SLC6A16: variants seen among roughly 807,000 people sequenced by gnomAD.
The protein encoded by SLC6A16 is solute carrier family 6 member 16.
SLC6A16 carries 54 observed loss-of-function variants against 65.4 expected under a neutral mutation model. The ratio of observed to expected loss-of-function variants is 0.83; its 90% CI spans 0.66 to 1.04. SLC6A16 has a LOEUF of 1.04. Among genes scored for constraint, SLC6A16 ranks in the 50% least tolerant of loss-of-function variants. The pLI is 0.00. For missense variants in SLC6A16, 816 were observed against 914.0 expected (o/e 0.89, Z 1.38); for synonymous variants, 330 against 346.5 (o/e 0.95, Z 0.53).
chr19:49,324,200 G>A (rs1328941170), intron 1 of SLC6A16, among the ~76,000 whole-genome samples: 4 of 151,920 alleles, frequency 2.6e-5, no homozygotes, highest in African/African-American at 4.8e-5. Context: ...GGGTGGTGGC[G>A]CACGCCTATA....
the SLC6A16 span, chr19:49,338,790 T>G: frequency 6.2e-7 from 1 of 1,613,970 alleles, no homozygotes; most frequent in Admixed American, 1.7e-5. This position sits in a 1 kb window ranked among gnomAD's most constrained non-coding sequence, Gnocchi z 5.0. Flanking sequence ...CGTGCCCTGC[T>G]CCTGCTACAA....
chr19:49,317,767 C>G (rs1228022467), intron 1 of SLC6A16, among the ~76,000 whole-genome samples: 1 of 151,870 alleles, frequency 6.6e-6, no homozygotes, highest in Non-Finnish European at 1.5e-5. Context: ...GATCGCACCA[C>G]TGCACTCCAG....
Position 49,290,619 on chromosome 19 carries a change from A to G in SLC6A16, c.1927T>C (p.Trp643Arg), listed in dbSNP as rs1970058544. 1 of 1,614,138 alleles carries G rather than the reference A, an allele frequency of 6.2e-7. No individual in the cohort carries two copies. The highest frequency in any genetic ancestry group is 1.3e-5 in the African/African-American group (1 of 75,032). Residue 643 changes from tryptophan (W) to arginine (R), a missense_variant, in exon 11 of 12, where the codon TGG becomes CGG. Trp to Arg is a moderately radical substitution (Grantham distance 101). Coordinates refer to ENST00000335875, the MANE Select transcript of SLC6A16 (RefSeq NM_014037.3). ...GGGAGGCTCACGGTGCTTGAGTCCC[A>G]GGACATGTAGGTGATCGGCTTCATA... ...LCMKPITYMSWDSSTSKEVLR... is the reference protein window; with the variant it reads ...LCMKPITYMSRDSSTSKEVLR...
chr19:49,309,251 G>T, intron 6 of SLC6A16, 50 bp downstream of exon 6: 2 of 1,570,054 alleles, frequency 1.3e-6, no homozygotes, highest in Non-Finnish European at 1.8e-6. Flanking sequence ...AGAATAGGCA[G>T]CTGTGGTGCC....
chr19:49,326,938 A>G (rs919556391), upstream of SLC6A16, among the ~76,000 whole-genome samples: 4 of 152,020 alleles, frequency 2.6e-5, no homozygotes, highest in Non-Finnish European at 5.9e-5. Context: ...AGAATCACTT[A>G]AAACCATGAG....
chr19:49,307,347 A>G (rs1970410597), intron 7 of SLC6A16, among the ~76,000 whole-genome samples: 1 of 151,898 alleles, frequency 6.6e-6, no homozygotes, highest in African/African-American at 2.4e-5. Flanking sequence ...AGTCTCACAC[A>G]TCCCTGATGG....
intron 1 of SLC6A16, among the ~76,000 whole-genome samples, chr19:49,318,817 C>T (rs1970657317): frequency 6.6e-6 from 1 of 151,976 alleles, no homozygotes; most frequent in African/African-American, 2.4e-5. Flanking sequence ...ATTCTCCTTC[C>T]TCAGCCTCCC....
At chr19:49,337,877 G>C in the SLC6A16 span, 1 of 1,610,702 alleles carries the variant, frequency 6.2e-7, no homozygotes, top group Non-Finnish European at 8.5e-7. Context: ...GAGAGGGGGA[G>C]GGGTGGGGCG....
At chr19:49,306,547 CT>C (rs1174068777) in intron 7 of SLC6A16, among the ~76,000 whole-genome samples, 2,114 of 114,824 alleles carry the variant, frequency 0.018, 32 homozygotes, top group African/African-American at 0.06. Flanking sequence ...TTTTTTTTTT[CT>C]TTTTTTTTTT....
Position 49,290,361 on chromosome 19 carries a change from C to A in SLC6A16, c.1973G>T (p.Trp658Leu). 6.2e-7 allele frequency: 1 copy of A among 1,613,736 alleles called. No homozygotes were observed. The highest frequency in any genetic ancestry group is 8.5e-7 in the Non-Finnish European group (1 of 1,179,874). Residue 658 changes from tryptophan to leucine, a missense_variant, in exon 12 of 12, where the codon TGG (tryptophan) becomes TTG (leucine). By Grantham distance (61) the Trp-to-Leu change is moderately conservative. Transcript: ENST00000335875. ...AAGGGTGATCATCAAGAGCAGTGCC[C>A]ACGGTGGGTATGGTCGAAGCACCTC... is the stretch of plus-strand genomic sequence containing the variant. The part of the protein sequence containing the change: ...SKEVLRPYPP[W>L]ALLLMITLFA...
the SLC6A16 span, chr19:49,339,837 G>A: frequency 1.5e-6 from 2 of 1,338,064 alleles, no homozygotes; most frequent in Non-Finnish European, 1.9e-6. This position sits in a 1 kb window ranked among gnomAD's most constrained non-coding sequence, Gnocchi z 4.5. Context: ...GCCCCAACTG[G>A]GGAGACAAGG....
At chr19:49,337,792 A>T in the SLC6A16 span, 2 of 1,548,940 alleles carry the variant, frequency 1.3e-6, no homozygotes, top group Non-Finnish European at 1.7e-6. Flanking sequence ...CCTGAAGTAC[A>T]CAGAGCTAGC....
chr19:49,338,877 C>T, the SLC6A16 span: 1 of 1,614,094 alleles, frequency 6.2e-7, no homozygotes, highest in Admixed American at 1.7e-5. This position sits in a 1 kb window ranked among gnomAD's most constrained non-coding sequence, Gnocchi z 5.0. Flanking sequence ...ACACCTGGCG[C>T]GGTCCAGACA....
At position 49,325,068 on chromosome 19, in the gene SLC6A16, C is replaced by G; in HGVS notation, c.-85G>C. The G allele has an allele frequency of 1.0e-6, 1 of 985,610 alleles. No homozygotes were observed. Among genetic ancestry groups the G allele is most frequent in the Non-Finnish European group, 1.2e-6 (1 of 830,062 alleles). The allele number at this position is 985,610 out of a possible 1,614,324, so 61.1% of individuals were successfully genotyped here. A position where few individuals can be genotyped will look rare whatever the true frequency, so the allele number is the denominator to read the frequency against. ...CTCACCCTAGCCCCAAGGCTTCTGC[C>G]AGGTTCTTCAGTCCAGCCAGTCGGA... On this transcript the variant is annotated 5_prime_UTR_variant, in exon 1 of 12. Coordinates refer to ENST00000335875, the MANE Select transcript of SLC6A16 (RefSeq NM_014037.3).
At chr19:49,335,815 C>G in the SLC6A16 span, 211 of 1,571,178 alleles carry the variant, frequency 1.3e-4, no homozygotes, top group African/African-American at 1.4e-3. The surrounding 1 kb of genome is among the most constrained non-coding windows in gnomAD (Gnocchi z 4.6). Context: ...GGTGGGAGGG[C>G]CTCCCCCAAC....
chr19:49,339,813 C>A, the SLC6A16 span: 8 of 1,349,156 alleles, frequency 5.9e-6, no homozygotes, highest in Admixed American at 2.0e-4. The surrounding 1 kb of genome is among the most constrained non-coding windows in gnomAD (Gnocchi z 4.5). Flanking sequence ...GTGGCTGGGG[C>A]ATGGCGGGTG....
At chr19:49,332,910 T>C in the SLC6A16 span, among the ~76,000 whole-genome samples, 1 of 152,072 alleles carries the variant, frequency 6.6e-6, no homozygotes, top group Non-Finnish European at 1.5e-5. Flanking sequence ...ACCTGTAATG[T>C]CAGCACTTTG....
chr19:49,305,115 G>A (rs1372662772), intron 7 of SLC6A16, among the ~76,000 whole-genome samples: 2 of 152,196 alleles, frequency 1.3e-5, no homozygotes, highest in Admixed American at 1.3e-4. Flanking sequence ...AAATGTAGCA[G>A]CAATGGAAGC....
intron 9 of SLC6A16, among the ~76,000 whole-genome samples, 177 bp downstream of exon 9, chr19:49,293,650 A>G (rs892635279): frequency 7.9e-5 from 12 of 152,112 alleles, no homozygotes; most frequent in African/African-American, 2.7e-4. Flanking sequence ...TATGGTCCCA[A>G]CTACTGGGGA....
Sources: allele counts gnomAD v4.1 joint callset (sites outside exome capture counted in the v4.1 genomes callset), GRCh38; gene constraint gnomAD v4.1.1; non-coding constraint Gnocchi (gnomAD v3.1); transcripts MANE v1.5; gene names NCBI Gene and HGNC (gene_info 2026-07-23, HGNC 2026-07-21).